KSR1: variants seen among roughly 807,000 people sequenced by gnomAD.
KSR1 encodes the protein kinase suppressor of ras.
In KSR1, 35 loss-of-function variants were observed where a neutral mutation model predicts 92.9. The observed-to-expected ratio is 0.38, with a 90% CI of 0.29 to 0.50. The LOEUF is 0.50. Ranked by LOEUF, KSR1 falls within the 20% of genes least tolerant of loss-of-function variation. KSR1 has a pLI of 0.94. For synonymous variants in KSR1, 467 were observed against 472.6 expected, an observed-to-expected ratio of 0.99 and a Z score of 0.15; for missense variants, 972 against 1,158.5, an observed-to-expected ratio of 0.84 and a Z score of 2.34.
At chr17:27,514,259 G>T (rs1234507758) in intron 1 of KSR1, among the ~76,000 whole-genome samples, 1 of 152,218 alleles carries the variant, frequency 6.6e-6, no homozygotes, top group East Asian at 1.9e-4. Context: ...TACTTTGCAG[G>T]CTACTTGGAG....
At chr17:27,586,587 T>C (rs1176360509) in intron 5 of KSR1, among the ~76,000 whole-genome samples, 1 of 152,170 alleles carries the variant, frequency 6.6e-6, no homozygotes, top group African/African-American at 2.4e-5. Context: ...TCACAGAACC[T>C]TGGAGGAACA....
intron 10 of KSR1, among the ~76,000 whole-genome samples, chr17:27,599,876 T>G (rs920432810): frequency 1.3e-5 from 2 of 152,114 alleles, no homozygotes; most frequent in Non-Finnish European, 2.9e-5. Context: ...TTTTTTCTTT[T>G]ACTTTTTAAA....
intron 9 of KSR1, among the ~76,000 whole-genome samples, chr17:27,593,294 A>G (rs550650266): frequency 1.9e-4 from 29 of 152,364 alleles, no homozygotes; most frequent in Non-Finnish European, 3.2e-4. Flanking sequence ...TATGCCTGGC[A>G]TCTGGGAGGT....
intron 10 of KSR1, among the ~76,000 whole-genome samples, chr17:27,598,144 A>G (rs572440726): frequency 9.2e-5 from 14 of 152,270 alleles, no homozygotes; most frequent in African/African-American, 2.9e-4. Context: ...AGTGAAGCCC[A>G]CCTGCCCATT....
chr17:27,579,442 G>C (rs905576759), intron 3 of KSR1: 2 of 152,218 alleles, frequency 1.3e-5, no homozygotes, highest in African/African-American at 2.4e-5. Flanking sequence ...CCTCTCTCAG[G>C]GTTGTTGTGA....
At chr17:27,569,027 C>T (rs908831654) in intron 2 of KSR1, among the ~76,000 whole-genome samples, 1 of 152,218 alleles carries the variant, frequency 6.6e-6, no homozygotes, top group African/African-American at 2.4e-5. Flanking sequence ...TCCATCCTGA[C>T]CCACTTTTCC....
intron 6 of KSR1, 81 bp downstream of exon 6, chr17:27,588,616 T>C (rs1013668135): frequency 1.2e-5 from 16 of 1,292,412 alleles, no homozygotes; most frequent in Non-Finnish European, 1.7e-5. Flanking sequence ...GGTCACTGTT[T>C]CTCAGCGAGC....
intron 2 of KSR1, among the ~76,000 whole-genome samples, chr17:27,554,231 A>T (rs1657933548): frequency 1.3e-5 from 2 of 152,156 alleles, no homozygotes; most frequent in African/African-American, 4.8e-5. Flanking sequence ...TTGCGGTCAG[A>T]CCTTGGCAAT....
At chr17:27,543,083 C>T (rs923584132) in intron 1 of KSR1, among the ~76,000 whole-genome samples, 1 of 152,252 alleles carries the variant, frequency 6.6e-6, no homozygotes, top group African/African-American at 2.4e-5. Context: ...TCCAGCCAGT[C>T]CAGCACAATG....
intron 1 of KSR1, chr17:27,526,751 T>G: frequency 1.6e-6 from 2 of 1,215,564 alleles, no homozygotes; most frequent in South Asian, 2.6e-5. Context: ...ACGTATGAAC[T>G]CTTTCTCATC....
At chr17:27,532,875 T>C (rs2070597520) in intron 1 of KSR1, among the ~76,000 whole-genome samples, 1 of 152,198 alleles carries the variant, frequency 6.6e-6, no homozygotes, top group African/African-American at 2.4e-5. Context: ...GCCTTCAAAC[T>C]GTGGAAGGTC....
rs752189527 is a variant in KSR1 at position 27,607,938 on chromosome 17, C to T, written c.2019C>T (p.His673=). The change falls in exon 15 of 21, where the codon CAC becomes CAT. Residue 673 remains histidine, a synonymous_variant. Coordinates refer to ENST00000644974, the MANE Select transcript of KSR1 (RefSeq NM_001394583.1). ...GCTTCTGCAAGGGGCGGACGTTGCA[C>T]TCGTTTGTGAGGGACCCCAAGACGT... is the stretch of plus-strand genomic sequence containing the variant. ...ITSFCKGRTL[H]SFVRDPKTSL... 1 of 1,609,840 alleles carries T rather than the reference C, an allele frequency of 6.2e-7. No individual in the cohort carries two copies. The highest frequency in any genetic ancestry group is 8.5e-7 in the Non-Finnish European group (1 of 1,178,132).
chr17:27,594,739 C>G (rs1434299304), intron 9 of KSR1, among the ~76,000 whole-genome samples: 1 of 152,118 alleles, frequency 6.6e-6, no homozygotes, highest in Non-Finnish European at 1.5e-5. Flanking sequence ...CGCTACCTGC[C>G]CCTCCACCCC....
At chr17:27,494,851 G>T (rs896580288) in intron 1 of KSR1, among the ~76,000 whole-genome samples, 14 of 152,354 alleles carry the variant, frequency 9.2e-5, no homozygotes, top group African/African-American at 3.1e-4. Context: ...GACCCTGGCC[G>T]CTGACTCAGT....
At chr17:27,560,485 T>C (rs2151112495) in intron 2 of KSR1, 2 of 519,034 alleles carry the variant, frequency 3.9e-6, no homozygotes. Flanking sequence ...TGATCCTGAC[T>C]GGACATGTTT....
chr17:27,588,612 T>A (rs1195011026), intron 6 of KSR1, 77 bp downstream of exon 6: 2 of 1,324,200 alleles, frequency 1.5e-6, no homozygotes, highest in Non-Finnish European at 2.1e-6. Context: ...TTCTGGTCAC[T>A]GTTTCTCAGC....
chr17:27,620,578 G>A (rs1044563395), intron 19 of KSR1, among the ~76,000 whole-genome samples: 3 of 152,186 alleles, frequency 2.0e-5, no homozygotes, highest in African/African-American at 7.2e-5. Context: ...GCATCCACCT[G>A]GGGGACAGGA....
chr17:27,609,388 T>C (rs1467050399), intron 16 of KSR1, 59 bp downstream of exon 16: 7 of 1,600,642 alleles, frequency 4.4e-6, no homozygotes, highest in Non-Finnish European at 6.0e-6. Flanking sequence ...AGAGCAGGGC[T>C]GAGGTCTGGG....
At chr17:27,617,768 TC>T in intron 19 of KSR1, 1 of 292,534 alleles carries the variant, frequency 3.4e-6, no homozygotes, top group South Asian at 3.0e-5. Context: ...CCTCAAGTGA[TC>T]CTCCTGCCTC....
Sources: allele counts gnomAD v4.1 joint callset (sites outside exome capture counted in the v4.1 genomes callset), GRCh38; gene constraint gnomAD v4.1.1; transcripts MANE v1.5; gene names NCBI Gene and HGNC (gene_info 2026-07-23, HGNC 2026-07-21).